Variants in TXNDC5 observed in about 807,000 individuals in gnomAD.
The protein encoded by TXNDC5 is thioredoxin domain-containing protein 5.
TXNDC5 carries 44 observed loss-of-function variants against 52.6 expected under a neutral mutation model. The observed-to-expected ratio is 0.84, with a 90% CI of 0.66 to 1.08. The LOEUF is 1.08. Ranked by LOEUF, TXNDC5 falls within the 50% of genes least tolerant of loss-of-function variation. The pLI is 0.00. For missense variants in TXNDC5, 600 were observed against 565.5 expected (o/e 1.06, Z -0.62); for synonymous variants, 241 against 234.4 (o/e 1.03, Z -0.26).
At chr6:7,905,413 G>T (rs1256659785) in intron 1 of TXNDC5, among the ~76,000 whole-genome samples, 1 of 151,862 alleles carries the variant, frequency 6.6e-6, no homozygotes. Context: ...AATGAGAAGG[G>T]GAAAAAAAAA....
At chr6:7,899,792 G>A (rs1033242943) in intron 2 of TXNDC5, 111 bp from the exon 3 acceptor site, 117 of 660,482 alleles carry the variant, frequency 1.8e-4, no homozygotes, top group Non-Finnish European at 4.3e-5. Flanking sequence ...CTGCAGCCAG[G>A]CATGTATCTG....
intron 3 of TXNDC5, among the ~76,000 whole-genome samples, chr6:7,896,241 T>A (rs537807094): frequency 6.6e-6 from 1 of 152,252 alleles, no homozygotes; most frequent in South Asian, 2.1e-4. Flanking sequence ...AGAATGTAAT[T>A]CATATGACTA....
intron 3 of TXNDC5, among the ~76,000 whole-genome samples, chr6:7,897,735 C>A (rs1760421659): frequency 2.6e-5 from 4 of 152,184 alleles, no homozygotes; most frequent in Admixed American, 2.6e-4. Context: ...GGTCTTTCTG[C>A]CGTCCTGATA....
chr6:7,909,514 C>T (rs932632917), intron 1 of TXNDC5, among the ~76,000 whole-genome samples: 1 of 152,180 alleles, frequency 6.6e-6, no homozygotes, highest in Non-Finnish European at 1.5e-5. Flanking sequence ...GAGGCCCACA[C>T]CAAAGCCTCG....
In TXNDC5 at chr6:7,889,646, A is replaced by G. The variant is rs181701379; in HGVS notation, c.733-65T>C. 3.1e-3 allele frequency: 3,896 copies of G among 1,248,796 alleles called. 21 individuals carry two copies. The highest frequency in any genetic ancestry group is 4.5e-3 in the Admixed American group (249 of 55,564). 77.4% of individuals were successfully genotyped at this position (1,248,796 alleles called of 1,614,324 possible). A position where few individuals can be genotyped will look rare whatever the true frequency, so the allele number is the denominator to read the frequency against. ...CATGAACCTTCTTGCTAATGGGGCT[A>G]CTGGACACTTTGTACGTTACAAATA... is the stretch of plus-strand genomic sequence containing the variant. On this transcript the variant is annotated intron_variant, in intron 5 of 9. Coordinates refer to ENST00000379757, the MANE Select transcript of TXNDC5 (RefSeq NM_030810.5).
In TXNDC5 at chr6:7,904,496, C is replaced by A. The variant is rs991642445; in HGVS notation, c.413+78G>T. The A allele has an allele frequency of 4.4e-6, 7 of 1,573,330 alleles. No homozygotes were observed. The South Asian group carries it at 4.7e-5, about 11-fold the overall frequency. On this transcript the variant is annotated intron_variant, in intron 2 of 9. Transcript: ENST00000379757. ...GCTTAAATTTAGTATCTCTTCACACCTTTACCAAAAGTTTAACTAGGACTT... is the reference window on the plus strand; with the variant it reads ...GCTTAAATTTAGTATCTCTTCACACATTTACCAAAAGTTTAACTAGGACTT...
At chr6:7,898,006 C>G (rs1189072967) in intron 3 of TXNDC5, among the ~76,000 whole-genome samples, 4 of 151,960 alleles carry the variant, frequency 2.6e-5, no homozygotes, top group African/African-American at 9.7e-5. Flanking sequence ...TTAGGTAAGT[C>G]TCTGGTTCAA....
At chr6:7,904,799 A>AG in intron 1 of TXNDC5, 76 bp from the exon 2 acceptor site, 1 of 1,572,872 alleles carries the variant, frequency 6.4e-7, no homozygotes, top group Non-Finnish European at 8.7e-7. Flanking sequence ...AGCTCTGTCC[A>AG]GGGGACAATG....
intron 3 of TXNDC5, 96 bp from the exon 4 acceptor site, chr6:7,895,298 T>C: frequency 2.8e-6 from 3 of 1,090,788 alleles, no homozygotes; most frequent in East Asian, 2.6e-5. Flanking sequence ...CGCCTGCAGA[T>C]GCCTCCCTCA....
Position 7,883,124 on chromosome 6 carries a change from G to A in TXNDC5, c.*20C>T, listed in dbSNP as rs563361745. On this transcript the variant is annotated 3_prime_UTR_variant, in exon 10 of 10. Transcript: ENST00000379757. Reference sequence around the variant, plus strand: ...CAGGGTGCGGGAGCTGGGCAGGAGAGGTGACCTCCAACTGTGTTCCTAAAG... The same window carrying A: ...CAGGGTGCGGGAGCTGGGCAGGAGAAGTGACCTCCAACTGTGTTCCTAAAG... 1 of 1,614,064 alleles carries A rather than the reference G, an allele frequency of 6.2e-7. No individual in the cohort carries two copies. The highest frequency in any genetic ancestry group is 2.2e-5 in the East Asian group (1 of 44,878).
At chr6:7,901,212 A>ATGAT (rs1760555516) in intron 2 of TXNDC5, among the ~76,000 whole-genome samples, 5 of 152,300 alleles carry the variant, frequency 3.3e-5, no homozygotes, top group Admixed American at 2.6e-4. Context: ...CATGATAAGC[A>ATGAT]ACTGCAACAT....
Position 7,910,609 on chromosome 6 carries a change from G to T in TXNDC5, c.168C>A (p.Asp56Glu). The T allele has an allele frequency of 1.5e-6, 2 of 1,369,086 alleles. No individual in the cohort carries two copies. The highest frequency in any genetic ancestry group is 1.9e-6 in the Non-Finnish European group (2 of 1,042,088). 84.8% of individuals were successfully genotyped at this position (1,369,086 alleles called of 1,614,324 possible). Residue 56 changes from aspartate (D) to glutamate (E), a missense_variant, in exon 1 of 10, where the codon GAC becomes GAA. Transcript: ENST00000379757. The part of the protein sequence containing the change: ...ADGPPAADGE[D>E]GQDPHSKHLY... ...GGTGCTTGCTGTGCGGGTCCTGTCC[G>T]TCCTCGCCGTCTGCCGCGGGGGGCC...
At chr6:7,905,774 G>GA (rs1484620774) in intron 1 of TXNDC5, among the ~76,000 whole-genome samples, 8 of 152,174 alleles carry the variant, frequency 5.3e-5, no homozygotes, top group Middle Eastern at 3.2e-3. Context: ...AATATGGCAG[G>GA]AACACACTGA....
Position 7,910,597 on chromosome 6 carries a change from C to T in TXNDC5, c.180G>A (p.Pro60=), listed in dbSNP as rs1377103338. 6 of 1,332,584 alleles carry T rather than the reference C, an allele frequency of 4.5e-6. No individual in the cohort carries two copies. The African/African-American group carries it at 4.7e-5, about 10-fold the overall frequency. 82.5% of individuals were successfully genotyped at this position (1,332,584 alleles called of 1,614,324 possible). ...CGGCCGTGTACAGGTGCTTGCTGTG[C>T]GGGTCCTGTCCGTCCTCGCCGTCTG... ...PAADGEDGQD[P]HSKHLYTADM... The change falls in exon 1 of 10, where the codon CCG becomes CCA. Residue 60 remains proline, a synonymous_variant. Transcript: ENST00000379757.
rs569841403 is a variant in TXNDC5 at position 7,905,091 on chromosome 6, T to C, written c.264-368A>G. Among the ~76,000 whole-genome samples the C allele has an allele frequency of 2.0e-5, 3 of 152,320 alleles. No homozygotes were observed. In the East Asian group the frequency reaches 5.8e-4, roughly 29 times the overall value. On this transcript the variant is annotated intron_variant, in intron 1 of 9. Transcript: ENST00000379757. ...CATCTGCAGTGTTCCCAAAGGACTA[T>C]AGCTTGGCTTGGCCCTGGGACACAT...
At chr6:7,886,407 G>A (rs574985733) in intron 7 of TXNDC5, among the ~76,000 whole-genome samples, 7 of 152,244 alleles carry the variant, frequency 4.6e-5, no homozygotes, top group African/African-American at 7.2e-5. Flanking sequence ...CTGGGTGTCT[G>A]ACACTTGAGT....
At chr6:7,888,579 T>C (rs1306480594) in intron 7 of TXNDC5, 126 bp downstream of exon 7, 3 of 1,237,074 alleles carry the variant, frequency 2.4e-6, no homozygotes, top group East Asian at 2.6e-5. Flanking sequence ...GAGCCAACCA[T>C]CAGATGACTG....
chr6:7,889,288 G>A (rs754905824), intron 6 of TXNDC5: 4 of 541,348 alleles, frequency 7.4e-6, no homozygotes, highest in Non-Finnish European at 1.3e-5. Flanking sequence ...GTGATAACCT[G>A]GGCCACTGAA....
At position 7,899,602 on chromosome 6, in the gene TXNDC5, G is replaced by C. The variant is rs772823025; in HGVS notation, c.493C>G (p.Leu165Val). Reference sequence around the variant, plus strand: ...ACTGGCTCCTCGTTCAGTGTCTGCAGCATCCAGTTTTCCAGTGTCTGGAAG... The same window carrying C: ...ACTGGCTCCTCGTTCAGTGTCTGCACCATCCAGTTTTCCAGTGTCTGGAAG... ...RDFQTLENWMLQTLNEEPVTP... is the reference protein window; with the variant it reads ...RDFQTLENWMVQTLNEEPVTP... Residue 165 changes from leucine (L) to valine (V), a missense_variant, in exon 3 of 10, where the codon CTG (leucine) becomes GTG (valine). By Grantham distance (32) the Leu-to-Val change is conservative. Coordinates refer to ENST00000379757, the MANE Select transcript of TXNDC5 (RefSeq NM_030810.5). 1 of 1,613,982 alleles carries C rather than the reference G, an allele frequency of 6.2e-7. No homozygotes were observed. Among genetic ancestry groups the C allele is most frequent in the Non-Finnish European group, 8.5e-7 (1 of 1,179,986 alleles).
Sources: gnomAD v4.1 joint callset for allele counts (sites outside exome capture counted in the v4.1 genomes callset) on GRCh38, gnomAD v4.1.1 for gene constraint, MANE v1.5 for transcripts, NCBI Gene and HGNC (gene_info 2026-07-23, HGNC 2026-07-21) for gene names.